The following OPCML variants were observed in gnomAD, a reference collection of about 807,000 sequenced individuals.
OPCML encodes the protein opioid-binding protein/cell adhesion molecule.
A neutral mutation model predicts 37.8 loss-of-function variants in OPCML; 13 were observed. That is an observed-to-expected ratio of 0.34 (90% CI 0.22 to 0.55). The LOEUF is 0.55. OPCML is among the 20% of genes least tolerant of loss of function. The pLI, the probability that OPCML is intolerant of heterozygous loss-of-function variation, is 0.91. For missense variants in OPCML, 341 were observed against 435.6 expected (o/e 0.78, Z 1.93); for synonymous variants, 176 against 168.8 (o/e 1.04, Z -0.33).
At chr11:132,887,380 A>C (rs1943464863) in intron 2 of OPCML, among the ~76,000 whole-genome samples, 1 of 152,204 alleles carries the variant, frequency 6.6e-6, no homozygotes, top group African/African-American at 2.4e-5. Context: ...GGTGTCAAGC[A>C]GCACATGACT....
intron 1 of OPCML, among the ~76,000 whole-genome samples, chr11:133,261,309 G>A (rs543921195): frequency 6.6e-6 from 1 of 152,236 alleles, no homozygotes; most frequent in East Asian, 1.9e-4. Flanking sequence ...TCTGATTGAC[G>A]GGTCTTGTAG....
chr11:133,405,758 G>T (rs1048001218), intron 1 of OPCML, among the ~76,000 whole-genome samples: 1 of 152,146 alleles, frequency 6.6e-6, no homozygotes, highest in Non-Finnish European at 1.5e-5. Flanking sequence ...TTCCTGATCA[G>T]ATTATGCCCA....
chr11:132,573,495 G>A (rs971710477), intron 3 of OPCML, among the ~76,000 whole-genome samples: 6 of 151,714 alleles, frequency 4.0e-5, no homozygotes, highest in African/African-American at 7.3e-5. Flanking sequence ...ACACATTCTC[G>A]GCATCTATTG....
intron 1 of OPCML, among the ~76,000 whole-genome samples, chr11:133,228,579 G>A (rs1020704470): frequency 6.6e-6 from 1 of 152,222 alleles, no homozygotes. Context: ...CCCCTCCCAG[G>A]ACGCTGCGCC....
At chr11:132,890,900 C>G (rs954033163) in intron 2 of OPCML, among the ~76,000 whole-genome samples, 1 of 151,238 alleles carries the variant, frequency 6.6e-6, no homozygotes, top group East Asian at 1.9e-4. Context: ...AAAAATGACC[C>G]TATGATGAGA....
At chr11:132,974,903 T>C (rs1004898462) in intron 1 of OPCML, among the ~76,000 whole-genome samples, 3 of 151,752 alleles carry the variant, frequency 2.0e-5, no homozygotes, top group Non-Finnish European at 4.4e-5. Flanking sequence ...TTCAAGGCTC[T>C]GTTTAAGGCC....
At chr11:132,876,856 A>G (rs957367465) in intron 2 of OPCML, among the ~76,000 whole-genome samples, 1 of 152,184 alleles carries the variant, frequency 6.6e-6, no homozygotes, top group African/African-American at 2.4e-5. Flanking sequence ...GGGGTAAAGG[A>G]TGTGGTTTTT....
intron 1 of OPCML, among the ~76,000 whole-genome samples, chr11:133,100,210 T>C (rs1949065763): frequency 6.6e-6 from 1 of 152,020 alleles, no homozygotes; most frequent in South Asian, 2.1e-4. Flanking sequence ...GTACTACCTA[T>C]CAGGTACCAT....
chr11:133,075,694 G>A (rs1020525510), intron 1 of OPCML, among the ~76,000 whole-genome samples: 7 of 152,108 alleles, frequency 4.6e-5, no homozygotes, highest in Admixed American at 2.0e-4. Flanking sequence ...AAATTCTTCC[G>A]AGCCAGCCCA....
At chr11:132,603,753 A>T (rs928402462) in intron 3 of OPCML, among the ~76,000 whole-genome samples, 5 of 152,236 alleles carry the variant, frequency 3.3e-5, no homozygotes, top group South Asian at 2.1e-4. Flanking sequence ...ACCTGATTGT[A>T]CTCTAGCAAT....
chr11:132,937,566 TGTGTGTGTG>T (rs1269972157), intron 2 of OPCML, among the ~76,000 whole-genome samples: 1 of 146,538 alleles, frequency 6.8e-6, no homozygotes, highest in Admixed American at 6.8e-5. Context: ...GTGTGTGTCG[TGTGTGTGTG>T]GTGTGTGTGG....
intron 1 of OPCML, among the ~76,000 whole-genome samples, chr11:133,252,499 C>T (rs1232702630): frequency 6.6e-6 from 1 of 152,172 alleles, no homozygotes; most frequent in Non-Finnish European, 1.5e-5. Flanking sequence ...TCAGGTGCTG[C>T]AGTGCTTAGC....
chr11:133,008,873 A>T, intron 1 of OPCML: 1 of 985,320 alleles, frequency 1.0e-6, no homozygotes. Context: ...ATGGAGCCCA[A>T]CCTAATATAT....
intron 1 of OPCML, chr11:133,420,993 G>A (rs1249619560): frequency 3.0e-6 from 3 of 985,210 alleles, no homozygotes; most frequent in Non-Finnish European, 3.6e-6. Context: ...AAAAGCTGCA[G>A]GAGCCTAGAA....
chr11:132,521,508 G>A (rs1377697016), intron 4 of OPCML, among the ~76,000 whole-genome samples: 1 of 152,052 alleles, frequency 6.6e-6, no homozygotes, highest in African/African-American at 2.4e-5. Context: ...GATGAAGCTG[G>A]AAGCCATCAT....
intron 1 of OPCML, among the ~76,000 whole-genome samples, chr11:133,437,070 G>GA (rs1199513857): frequency 1.3e-5 from 2 of 152,128 alleles, no homozygotes; most frequent in Admixed American, 1.3e-4. Context: ...TAAGCCTAAT[G>GA]ATTGTTTAAG....
intron 2 of OPCML, among the ~76,000 whole-genome samples, chr11:132,750,100 C>T (rs539384358): frequency 8.5e-4 from 130 of 152,090 alleles, no homozygotes; most frequent in African/African-American, 2.9e-3. Flanking sequence ...TTTGGCAAGC[C>T]GAGGTGGGCA....
chr11:133,108,366 A>ACTTCCC (rs1237053486), intron 1 of OPCML, among the ~76,000 whole-genome samples: 1 of 152,140 alleles, frequency 6.6e-6, no homozygotes, highest in Non-Finnish European at 1.5e-5. Context: ...CTACACATTT[A>ACTTCCC]CTTAGTGGAC....
At chr11:133,028,524 C>CGTGTGTGT (rs10541354) in intron 1 of OPCML, among the ~76,000 whole-genome samples, 1 of 147,136 alleles carries the variant, frequency 6.8e-6, no homozygotes, top group Non-Finnish European at 1.5e-5. Flanking sequence ...TGATAAGGAG[C>CGTGTGTGT]GTGTGTGTGT....
Sources: gnomAD v4.1 joint callset for allele counts (sites outside exome capture counted in the v4.1 genomes callset) on GRCh38, gnomAD v4.1.1 for gene constraint, MANE v1.5 for transcripts, NCBI Gene and HGNC (gene_info 2026-07-23, HGNC 2026-07-21) for gene names.